KIRREL3: variants seen among roughly 807,000 people sequenced by gnomAD.
KIRREL3 encodes kirre like nephrin family adhesion molecule 3.
KIRREL3 carries 36 observed loss-of-function variants against 89.7 expected under a neutral mutation model. That is an observed-to-expected ratio of 0.40 (90% CI 0.31 to 0.53). The LOEUF (loss-of-function observed/expected upper bound fraction) is 0.53. Ranked by LOEUF, KIRREL3 falls within the 20% of genes least tolerant of loss-of-function variation. The pLI, the probability that KIRREL3 is intolerant of heterozygous loss-of-function variation, is 0.49. For synonymous variants in KIRREL3, 445 were observed against 441.4 expected (o/e 1.01, Z -0.10); for missense variants, 864 against 1,056.6 (o/e 0.82, Z 2.53).
At chr11:126,949,712 G>A (rs373738796) in intron 1 of KIRREL3, among the ~76,000 whole-genome samples, 3 of 152,244 alleles carry the variant, frequency 2.0e-5, no homozygotes, top group East Asian at 1.9e-4. Context: ...TCTAGGACAC[G>A]TTCCCAAAAT....
In KIRREL3 at chr11:126,425,621, C is replaced by T. The variant is rs747508982; in HGVS notation, c.1893+17G>A. 3.8e-6 allele frequency: 6 copies of T among 1,561,952 alleles called. No individual in the cohort carries two copies. In the South Asian group the frequency reaches 5.9e-5, roughly 15 times the overall value. On this transcript the variant is annotated intron_variant, in intron 16 of 16. Transcript: ENST00000525144. Reference sequence around the variant, plus strand: ...CAGATTCCATGGCTGTGTCTTATAACCCGGGGCCCTTCTTACCTTCAGGTT... The same window carrying T: ...CAGATTCCATGGCTGTGTCTTATAATCCGGGGCCCTTCTTACCTTCAGGTT...
At chr11:126,502,322 G>A (rs1310031787) in intron 4 of KIRREL3, among the ~76,000 whole-genome samples, 4 of 152,162 alleles carry the variant, frequency 2.6e-5, no homozygotes, top group African/African-American at 7.2e-5. Context: ...GAGCTCCTGG[G>A]ACCTGTCCTG....
rs746843085 is a variant in KIRREL3 at position 126,724,992 on chromosome 11, G to A, written c.56-162080C>T. 3.9e-5 allele frequency among the ~76,000 whole-genome samples: 6 copies of A among 152,218 alleles called. No individual in the cohort carries two copies. The highest frequency in any genetic ancestry group is 7.3e-5 in the Non-Finnish European group (5 of 68,048). On this transcript the variant is annotated intron_variant, in intron 1 of 16. Transcript: ENST00000525144. This position sits in a 1 kb window ranked among gnomAD's most constrained non-coding sequence, Gnocchi z 4.3. ...TCTGTTCTTCAGATGAAGAGACAGAGGTTCAGAGAGGTGAGGGGTTTCAGT... is the reference window on the plus strand; with the variant it reads ...TCTGTTCTTCAGATGAAGAGACAGAAGTTCAGAGAGGTGAGGGGTTTCAGT...
rs1482244217 is a variant in KIRREL3, at chr11:126,989,555, T to C, written c.55+10900A>G. Among the ~76,000 whole-genome samples the C allele has an allele frequency of 6.6e-6, 1 of 152,232 alleles. No homozygotes were observed. Among genetic ancestry groups the C allele is most frequent in the East Asian group, 1.9e-4 (1 of 5,196 alleles). ...ACAAGGGAGTGGATTGTTCCCATGG[T>C]GGCTGCACCTTTCCTTCATTCTATT... On this transcript the variant is annotated intron_variant, in intron 1 of 16. Coordinates refer to ENST00000525144, the MANE Select transcript of KIRREL3 (RefSeq NM_032531.4). The surrounding 1 kb of genome is among the most constrained non-coding windows in gnomAD (Gnocchi z 6.2).
At chr11:126,928,901 T>C (rs893851426) in intron 1 of KIRREL3, among the ~76,000 whole-genome samples, 1 of 152,174 alleles carries the variant, frequency 6.6e-6, no homozygotes, top group African/African-American at 2.4e-5. Flanking sequence ...GGCCAAACTA[T>C]GGGCTTGGGA....
chr11:126,539,188 T>C (rs1938159182), intron 2 of KIRREL3, among the ~76,000 whole-genome samples: 1 of 152,122 alleles, frequency 6.6e-6, no homozygotes, highest in South Asian at 2.1e-4. Flanking sequence ...ATGAAATAGG[T>C]CATTCTCTGT....
chr11:126,586,519 G>C (rs1941866256), intron 1 of KIRREL3, among the ~76,000 whole-genome samples: 2 of 151,972 alleles, frequency 1.3e-5, no homozygotes, highest in Non-Finnish European at 2.9e-5. Context: ...CCTAACAACA[G>C]TTAGAGGCAT....
Position 126,892,757 on chromosome 11 carries a change from G to A in KIRREL3, c.55+107698C>T, listed in dbSNP as rs1416424575. ...TGCCCCCAGCACTATGGCCATGACA[G>A]CCTCCAGATAGGAGAAGGGTCTGGC... On this transcript the variant is annotated intron_variant, in intron 1 of 16. Transcript: ENST00000525144. This position sits in a 1 kb window ranked among gnomAD's most constrained non-coding sequence, Gnocchi z 5.4. 1.3e-5 allele frequency among the ~76,000 whole-genome samples: 2 copies of A among 152,182 alleles called. No homozygotes were observed. Among genetic ancestry groups the A allele is most frequent in the East Asian group, 1.9e-4 (1 of 5,178 alleles).
Position 126,999,452 on chromosome 11 carries a change from C to A in KIRREL3, c.55+1003G>T. On this transcript the variant is annotated intron_variant, in intron 1 of 16. Coordinates refer to ENST00000525144, the MANE Select transcript of KIRREL3 (RefSeq NM_032531.4). This position sits in a 1 kb window ranked among gnomAD's most constrained non-coding sequence, Gnocchi z 5.7. ...TGCTTTCTCGAAAACTTTTACCCTT[C>A]ATTTAATCAACAGATGGACGTGCTC... Among the ~76,000 whole-genome samples the A allele has an allele frequency of 6.6e-6, 1 of 152,242 alleles. No individual in the cohort carries two copies. Among genetic ancestry groups the A allele is most frequent in the East Asian group, 1.9e-4 (1 of 5,196 alleles).
intron 10 of KIRREL3, chr11:126,440,765 A>G (rs1237376189): frequency 1.6e-6 from 1 of 606,560 alleles, no homozygotes; most frequent in Non-Finnish European, 3.0e-6. Context: ...AATGCTTCTA[A>G]GTCAGAACCC....
chr11:126,515,984 C>T lies in KIRREL3; in HGVS notation c.433+5331G>A, dbSNP rs1242292983. ...CCACTGTTCTCTGGACCCATCTCCC[C>T]AGAAGATTCATGGATGGGAGATTGG... is the stretch of plus-strand genomic sequence containing the variant. On this transcript the variant is annotated intron_variant, in intron 4 of 16. Transcript: ENST00000525144. The surrounding 1 kb of genome is among the most constrained non-coding windows in gnomAD (Gnocchi z 4.2). Among the ~76,000 whole-genome samples the T allele has an allele frequency of 6.6e-6, 1 of 152,162 alleles. No homozygotes were observed. Among genetic ancestry groups the T allele is most frequent in the African/African-American group, 2.4e-5 (1 of 41,424 alleles).
At chr11:126,920,406 A>G (rs566150410) in intron 1 of KIRREL3, 11 of 152,336 alleles carry the variant, frequency 7.2e-5, no homozygotes, top group African/African-American at 2.6e-4. Flanking sequence ...ATCTCCCTCA[A>G]TGTGAAGATC....
rs111785097 is a variant in KIRREL3 at position 126,900,884 on chromosome 11, G to T, written c.55+99571C>A. On this transcript the variant is annotated intron_variant, in intron 1 of 16. Transcript: ENST00000525144. This position sits in a 1 kb window ranked among gnomAD's most constrained non-coding sequence, Gnocchi z 4.4. The stretch of plus-strand genomic sequence containing the variant: ...AGTTAACTCAAGTAACTGATTTTTT[G>T]TATGTAAAACTGTAGGAAAAAAGGG... Among the ~76,000 whole-genome samples, 1 of 152,030 alleles carries T rather than the reference G, an allele frequency of 6.6e-6. No individual in the cohort carries two copies. The highest frequency in any genetic ancestry group is 1.5e-5 in the Non-Finnish European group (1 of 67,996).
In KIRREL3 at chr11:126,784,562, T is replaced by C. The variant is rs370179741; in HGVS notation, c.55+215893A>G. Among the ~76,000 whole-genome samples, 3 of 151,912 alleles carry C rather than the reference T, an allele frequency of 2.0e-5. No individual in the cohort carries two copies. In the East Asian group the frequency reaches 5.8e-4, roughly 29 times the overall value. ...ACAACCTGTACAACCTTGGTAGTCC[T>C]ACAGTCAGACTTACCCTCTATCACC... On this transcript the variant is annotated intron_variant, in intron 1 of 16. Transcript: ENST00000525144.
intron 5 of KIRREL3, among the ~76,000 whole-genome samples, chr11:126,470,303 A>ACT (rs778993696): frequency 8.6e-5 from 13 of 151,880 alleles, no homozygotes; most frequent in African/African-American, 3.1e-4. Context: ...CCTCTGGACA[A>ACT]CTCTCTCTCT....
At position 126,496,504 on chromosome 11, in the gene KIRREL3, A is replaced by C. The variant is rs1223985911; in HGVS notation, c.434-23038T>G. Among the ~76,000 whole-genome samples, 1 of 150,788 alleles carries C rather than the reference A, an allele frequency of 6.6e-6. No homozygotes were observed. Among genetic ancestry groups the C allele is most frequent in the Non-Finnish European group, 1.5e-5 (1 of 67,844 alleles). ...CACCCCATGGCTGCCATTTCTTCTC[A>C]CTCCCTTCACAAATGAGAACCCAAG... is the stretch of plus-strand genomic sequence containing the variant. On this transcript the variant is annotated intron_variant, in intron 4 of 16. Coordinates refer to ENST00000525144, the MANE Select transcript of KIRREL3 (RefSeq NM_032531.4). This position sits in a 1 kb window ranked among gnomAD's most constrained non-coding sequence, Gnocchi z 4.9.
intron 1 of KIRREL3, among the ~76,000 whole-genome samples, chr11:126,845,787 T>A (rs1051953118): frequency 6.6e-6 from 1 of 152,208 alleles, no homozygotes; most frequent in South Asian, 2.1e-4. Flanking sequence ...GTTGGCTGTT[T>A]GGCATGGCTA....
At position 126,431,540 on chromosome 11, in the gene KIRREL3, G is replaced by A; in HGVS notation, c.1589-14C>T. 1 of 1,610,602 alleles carries A rather than the reference G, an allele frequency of 6.2e-7. No homozygotes were observed. The highest frequency in any genetic ancestry group is 8.5e-7 in the Non-Finnish European group (1 of 1,177,442). On this transcript the variant is annotated splice_polypyrimidine_tract_variant and intron_variant, in intron 13 of 16. Coordinates refer to ENST00000525144, the MANE Select transcript of KIRREL3 (RefSeq NM_032531.4). The surrounding 1 kb of genome is among the most constrained non-coding windows in gnomAD (Gnocchi z 7.1). ...TCGGCACAGACTCTGTGGGAGAGAAGCGGGCACAGCTGATGACGGATGGGG... is the reference window on the plus strand; with the variant it reads ...TCGGCACAGACTCTGTGGGAGAGAAACGGGCACAGCTGATGACGGATGGGG...
rs1943286448 is a variant in KIRREL3 at position 126,615,034 on chromosome 11, G to A, written c.56-52122C>T. Among the ~76,000 whole-genome samples, 1 of 152,166 alleles carries A rather than the reference G, an allele frequency of 6.6e-6. No individual in the cohort carries two copies. Among genetic ancestry groups the A allele is most frequent in the African/African-American group, 2.4e-5 (1 of 41,428 alleles). The stretch of plus-strand genomic sequence containing the variant: ...ATTTGCGGTCTTCAAGAGGCTGAAA[G>A]GCTGTCATGTGGAAGAGGGATTGGA... On this transcript the variant is annotated intron_variant, in intron 1 of 16. Transcript: ENST00000525144. This position sits in a 1 kb window ranked among gnomAD's most constrained non-coding sequence, Gnocchi z 5.4.
Sources: gnomAD v4.1 joint callset for allele counts (sites outside exome capture counted in the v4.1 genomes callset) on GRCh38, gnomAD v4.1.1 for gene constraint, Gnocchi (gnomAD v3.1) non-coding constraint, MANE v1.5 for transcripts, NCBI Gene and HGNC (gene_info 2026-07-23, HGNC 2026-07-21) for gene names.